The following RGS11 variants were observed in gnomAD, a reference collection of about 807,000 sequenced individuals.
RGS11 encodes regulator of G-protein signaling 11.
Under a neutral mutation model 71.1 loss-of-function variants are expected in RGS11, and 86 were observed. That is an observed-to-expected ratio of 1.21 (90% CI 1.02 to 1.45). The LOEUF (loss-of-function observed/expected upper bound fraction) is 1.45. RGS11 is among the 40% of genes most tolerant of loss of function. The pLI is 0.00. For missense variants in RGS11, 734 were observed against 635.1 expected (o/e 1.16, Z -1.67); for synonymous variants, 298 against 254.2 (o/e 1.17, Z -1.64).
rs1366880862 is a variant in RGS11, at chr16:272,789, T to C, written c.657+74A>G. 3.9e-6 allele frequency: 6 copies of C among 1,534,016 alleles called. No individual in the cohort carries two copies. In the African/African-American group the frequency reaches 6.8e-5, roughly 18 times the overall value. On this transcript the variant is annotated intron_variant, in intron 9 of 16. Coordinates refer to ENST00000397770, the MANE Select transcript of RGS11 (RefSeq NM_183337.3). ...GACCAAATGACGGACAGATGGGCAG[T>C]CCCATGGTGCGTCCAGCAGGGTGCA...
chr16:268,960 C>T lies in RGS11; in HGVS notation c.*309G>A. On this transcript the variant is annotated 3_prime_UTR_variant, in exon 17 of 17. Coordinates refer to ENST00000397770, the MANE Select transcript of RGS11 (RefSeq NM_183337.3). Reference sequence around the variant, plus strand: ...GGGCACCCAGTGCTGGACTGAAGACCAGAGAAGGTGGAGCTCCCTGTGGCC... The same window carrying T: ...GGGCACCCAGTGCTGGACTGAAGACTAGAGAAGGTGGAGCTCCCTGTGGCC... 6.5e-7 allele frequency: 1 copy of T among 1,548,480 alleles called. No homozygotes were observed. The highest frequency in any genetic ancestry group is 8.7e-7 in the Non-Finnish European group (1 of 1,145,132).
intron 1 of RGS11, 107 bp from the exon 2 acceptor site, chr16:275,605 G>T: frequency 2.0e-6 from 2 of 1,009,990 alleles, no homozygotes; most frequent in Non-Finnish European, 2.8e-6. Flanking sequence ...AACGCGCGGC[G>T]GCGGCGGATT....
Position 272,715 on chromosome 16 carries a change from C to T in RGS11, c.657+148G>A, listed in dbSNP as rs548219812. 79 of 1,487,648 alleles carry T rather than the reference C, an allele frequency of 5.3e-5. No individual in the cohort carries two copies. In the African/African-American group the frequency reaches 6.4e-4, roughly 12 times the overall value. 92.2% of individuals were successfully genotyped at this position (1,487,648 alleles called of 1,614,324 possible). A position where few individuals can be genotyped will look rare whatever the true frequency, so the allele number is the denominator to read the frequency against. The stretch of plus-strand genomic sequence containing the variant: ...AGGGGCCTGGGGAACAGGGAGTGAC[C>T]GGGAGTGAGCAGGGGCTTGGGGAGG... On this transcript the variant is annotated intron_variant, in intron 9 of 16. Transcript: ENST00000397770.
chr16:271,009 C>A lies in RGS11; in HGVS notation c.954G>T (p.Met318Ile). ...CACTGAACTCCTTTCCCAGAAAGTC[C>A]ATGAAGTGGGCCCGCCCCACGGGGT... ...LEDPVGRAHF[M>I]DFLGKEFSGE... is the part of the protein sequence containing the mutation. Residue 318 changes from methionine (M) to isoleucine (I), a missense_variant, in exon 13 of 17, where the codon ATG becomes ATT. Physicochemically the swap from Met to Ile is conservative, Grantham distance 10. Transcript: ENST00000397770. 1 of 1,612,288 alleles carries A rather than the reference C, an allele frequency of 6.2e-7. No individual in the cohort carries two copies. Among genetic ancestry groups the A allele is most frequent in the South Asian group, 1.1e-5 (1 of 91,072 alleles).
intron 6 of RGS11, 72 bp downstream of exon 6, chr16:273,971 C>T (rs1458199128): frequency 8.9e-6 from 12 of 1,342,582 alleles, no homozygotes; most frequent in Admixed American, 8.4e-5. Flanking sequence ...CGTGAAGCCC[C>T]GGGGGGCCGT....
rs9940585 is a variant in RGS11 at position 272,935 on chromosome 16, C to T, written c.589-4G>A. ...CCAGCACATCGGGGGCCCCGGGCTG[C>T]GGAGGGGAGACGAGATGAGGTGGGG... On this transcript the variant is annotated splice_polypyrimidine_tract_variant and splice_region_variant and intron_variant, in intron 8 of 16. Coordinates refer to ENST00000397770, the MANE Select transcript of RGS11 (RefSeq NM_183337.3). 927,538 of 1,496,596 alleles carry T rather than the reference C, an allele frequency of 0.62. 293,528 individuals carry two copies. The highest frequency in any genetic ancestry group is 0.72 in the South Asian group (55,699 of 77,122). 92.7% of individuals were successfully genotyped at this position (1,496,596 alleles called of 1,614,324 possible).
At chr16:272,258 G>T in intron 9 of RGS11, 1 of 1,225,472 alleles carries the variant, frequency 8.2e-7, no homozygotes, top group South Asian at 1.4e-5. Flanking sequence ...ACCTCGCTGG[G>T]GCCAGAGCGG....
At chr16:272,332 G>A (rs1204377552) in intron 9 of RGS11, 30 of 1,288,904 alleles carry the variant, frequency 2.3e-5, no homozygotes, top group Non-Finnish European at 3.0e-5. Flanking sequence ...CTTTGTATGG[G>A]GAAATGTTAG....
chr16:274,070 T>C lies in RGS11; in HGVS notation c.402A>G (p.Lys134=). 1.3e-6 allele frequency: 2 copies of C among 1,550,972 alleles called. No individual in the cohort carries two copies. The highest frequency in any genetic ancestry group is 2.4e-5 in the South Asian group (2 of 84,210). ...AIYLAKKNIR[K]RGTLVDYEKD... ...TCTCATAATCCACCAGGGTCCCCCG[T>C]TTTCGGATGTTCTTCTTGGCCAGGT... is the stretch of plus-strand genomic sequence containing the variant. The change falls in exon 6 of 17, where the codon AAA becomes AAG. Residue 134 remains lysine (K), a synonymous_variant. Transcript: ENST00000397770.
Position 270,971 on chromosome 16 carries a change from G to T in RGS11, c.979+13C>A. On this transcript the variant is annotated intron_variant, in intron 13 of 16. Transcript: ENST00000397770. The stretch of plus-strand genomic sequence containing the variant: ...CCCCGCTGGGACTGGAGCAGGGGCT[G>T]GGGGGTTCTCACCACTGAACTCCTT... The T allele has an allele frequency of 6.3e-7, 1 of 1,594,110 alleles. No homozygotes were observed. The highest frequency in any genetic ancestry group is 8.6e-7 in the Non-Finnish European group (1 of 1,163,556).
chr16:273,914 G>T, intron 6 of RGS11, 78 bp from the exon 7 acceptor site: 1 of 1,502,766 alleles, frequency 6.7e-7, no homozygotes, highest in Non-Finnish European at 9.3e-7. Flanking sequence ...GGGGGGTTGG[G>T]GACTGTCTTG....
In RGS11 at chr16:268,784, TG is replaced by T. The variant is rs1484091072; in HGVS notation, c.*484del. On this transcript the variant is annotated 3_prime_UTR_variant, in exon 17 of 17. Transcript: ENST00000397770. Reference sequence around the variant, plus strand: ...CTTGGGTCCTCTTCCAGGCTCACACTGGGCGACAGCGGAGAGGCTCTTGGAC... The same window carrying T: ...CTTGGGTCCTCTTCCAGGCTCACACTGGCGACAGCGGAGAGGCTCTTGGAC... 4 of 1,550,120 alleles carry T rather than the reference TG, an allele frequency of 2.6e-6. No homozygotes were observed. In the South Asian group the frequency reaches 3.6e-5, roughly 14 times the overall value.
In RGS11 at chr16:272,861, A is replaced by C; in HGVS notation, c.657+2T>G. 1 of 1,542,486 alleles carries C rather than the reference A, an allele frequency of 6.5e-7. No homozygotes were observed. Among genetic ancestry groups the C allele is most frequent in the Non-Finnish European group, 8.7e-7 (1 of 1,145,786 alleles). ...GCGGCCAGCACGCACGCAGGGGCTC[A>C]CCATGAGCACACGGCTGGCAGCGCA... On this transcript the variant is annotated splice_donor_variant, in intron 9 of 16. Transcript: ENST00000397770. LOFTEE classifies it high-confidence loss of function.
chr16:274,689 C>T (rs1411245791), intron 4 of RGS11: 1 of 676,126 alleles, frequency 1.5e-6, no homozygotes, highest in Admixed American at 2.0e-5. Context: ...CCTAGGGACC[C>T]CCAGGAAGAT....
rs750965875 is a variant in RGS11 at position 273,800 on chromosome 16, C to A, written c.466G>T (p.Ala156Ser). 1.9e-6 allele frequency: 3 copies of A among 1,613,116 alleles called. No individual in the cohort carries two copies. The highest frequency in any genetic ancestry group is 1.3e-5 in the African/African-American group (1 of 74,936). ...GCCTGCATCAGCACCAGGTCCCATG[C>A]GTGGTTGATCTTCTTGTGTAGCCGG... ...YDRLHKKINH[A>S]WDLVLMQARE... The change falls in exon 7 of 17, where the codon GCA becomes TCA. Residue 156 changes from alanine to serine, a missense_variant. By Grantham distance (99) the Ala-to-Ser change is moderately conservative. Coordinates refer to ENST00000397770, the MANE Select transcript of RGS11 (RefSeq NM_183337.3).
chr16:269,910 G>A (rs975107919), intron 15 of RGS11: 1 of 273,628 alleles, frequency 3.7e-6, no homozygotes, highest in African/African-American at 2.4e-5. Flanking sequence ...GGGCAGGGTT[G>A]TGGAGTCAAA....
chr16:275,236 C>G, intron 3 of RGS11, 47 bp downstream of exon 3: 3 of 1,610,702 alleles, frequency 1.9e-6, no homozygotes, highest in Non-Finnish European at 2.5e-6. Flanking sequence ...CAGGCCTAGG[C>G]CACCAGCCCA....
chr16:272,335 A>G (rs1484058556), intron 9 of RGS11: 3 of 1,288,886 alleles, frequency 2.3e-6, no homozygotes, highest in Admixed American at 4.6e-5. Context: ...TGTATGGGGA[A>G]ATGTTAGGGT....
rs111818477 is a variant in RGS11 at position 274,458 on chromosome 16, C to A, written c.319-193G>T. On this transcript the variant is annotated intron_variant, in intron 4 of 16. Coordinates refer to ENST00000397770, the MANE Select transcript of RGS11 (RefSeq NM_183337.3). ...TCCAACTAGAACTGAGGTCAACTCGCTCCTTAGGGCCCTGTTCAGACACTG... is the reference window on the plus strand; with the variant it reads ...TCCAACTAGAACTGAGGTCAACTCGATCCTTAGGGCCCTGTTCAGACACTG... 1.6e-3 allele frequency: 1,024 copies of A among 625,124 alleles called. 6 individuals are homozygous for A. Among genetic ancestry groups the A allele is most frequent in the African/African-American group, 0.016 (871 of 54,594 alleles). The allele number at this position is 625,124 out of a possible 1,614,324, so 38.7% of individuals were successfully genotyped here. A position where few individuals can be genotyped will look rare whatever the true frequency, so the allele number is the denominator to read the frequency against.
Sources: allele counts gnomAD v4.1 joint callset, GRCh38; gene constraint gnomAD v4.1.1; transcripts MANE v1.5; gene names NCBI Gene and HGNC (gene_info 2026-07-23, HGNC 2026-07-21).